The following TNRC6B variants were observed in gnomAD, a reference collection of about 807,000 sequenced individuals.
The protein encoded by TNRC6B is trinucleotide repeat-containing gene 6B protein.
TNRC6B carries 52 observed loss-of-function variants against 203.6 expected under a neutral mutation model. That is an observed-to-expected ratio of 0.26 (90% CI 0.20 to 0.32). The LOEUF (loss-of-function observed/expected upper bound fraction) is 0.32, where lower values mean the gene tolerates loss of function less well. Ranked by LOEUF, TNRC6B falls within the 10% of genes least tolerant of loss-of-function variation. The pLI, the probability that TNRC6B is intolerant of heterozygous loss-of-function variation, is 1.00. For missense variants in TNRC6B, 1,923 were observed against 2,286.2 expected (o/e 0.84, Z 3.24); for synonymous variants, 838 against 845.7 (o/e 0.99, Z 0.16).
intron 12 of TNRC6B, among the ~76,000 whole-genome samples, chr22:40,286,971 G>A (rs899752265): frequency 3.9e-5 from 6 of 152,126 alleles, no homozygotes; most frequent in African/African-American, 1.4e-4. Flanking sequence ...CCAACCAGCA[G>A]GTTGTAAAGG....
Position 40,266,441 on chromosome 22 carries a change from G to T in TNRC6B, c.2211G>T (p.Gln737His). Residue 737 changes from glutamine to histidine, a missense_variant, in exon 5 of 23, where the codon CAG (glutamine) becomes CAT (histidine). Physicochemically the swap from Gln to His is conservative, Grantham distance 24. Transcript: ENST00000454349. ...SKDQGWGGGR[Q>H]PNQGWSSGKN... is the part of the protein sequence containing the mutation. Reference sequence around the variant, plus strand: ...ATCAGGGGTGGGGAGGTGGACGCCAGCCCAATCAAGGATGGTCTTCTGGAA... The same window carrying T: ...ATCAGGGGTGGGGAGGTGGACGCCATCCCAATCAAGGATGGTCTTCTGGAA... 6.2e-7 allele frequency: 1 copy of T among 1,613,952 alleles called. No homozygotes were observed. The highest frequency in any genetic ancestry group is 8.5e-7 in the Non-Finnish European group (1 of 1,179,864).
intron 21 of TNRC6B, among the ~76,000 whole-genome samples, chr22:40,319,544 G>A (rs1333265217): frequency 6.6e-6 from 1 of 150,758 alleles, no homozygotes; most frequent in African/African-American, 2.4e-5. Flanking sequence ...TCATGTCTCA[G>A]CCTCCAAGTA....
chr22:40,213,913 C>G (rs770456122), intron 1 of TNRC6B, among the ~76,000 whole-genome samples: 6 of 152,106 alleles, frequency 3.9e-5, no homozygotes, highest in Non-Finnish European at 8.8e-5. Flanking sequence ...TATGTAAGCT[C>G]TCTTCCTTAA....
intron 2 of TNRC6B, among the ~76,000 whole-genome samples, chr22:40,123,894 CTTTT>C (rs58632540): frequency 2.2e-5 from 3 of 135,892 alleles, no homozygotes; most frequent in East Asian, 2.1e-4. Flanking sequence ...AGAAAGAGAA[CTTTT>C]TTTTTTTTTT....
At chr22:40,190,161 C>T (rs1283550400) in intron 1 of TNRC6B, among the ~76,000 whole-genome samples, 1 of 152,252 alleles carries the variant, frequency 6.6e-6, no homozygotes, top group Non-Finnish European at 1.5e-5. Context: ...GACTACCTTC[C>T]TTCATTCTTA....
chr22:40,075,156 A>ATTTTT (rs58240994), intron 1 of TNRC6B, among the ~76,000 whole-genome samples: 129 of 35,494 alleles, frequency 3.6e-3, no homozygotes, highest in East Asian at 5.3e-3. Context: ...ATATATATAT[A>ATTTTT]TTTTTTTTTT....
In TNRC6B at chr22:40,323,203, C is replaced by A; in HGVS notation, c.5464C>A (p.Pro1822Thr). Residue 1822 changes from proline (P) to threonine (T), a missense_variant, in exon 23 of 23, where the codon CCT (proline) becomes ACT (threonine). Pro to Thr is a conservative substitution (Grantham distance 38). Around this residue, in one of 8 missense-constraint regions of TNRC6B, gnomAD observed 126 missense variants for 137.5 expected, o/e 0.92. Transcript: ENST00000454349. ...HRMGSPAPLLPGDLLGGGSDS... is the reference protein window; with the variant it reads ...HRMGSPAPLLTGDLLGGGSDS... Reference sequence around the variant, plus strand: ...GATGGGCAGCCCTGCTCCTTTACTACCTGGTGACCTTCTGGGAGGAGGGTC... The same window carrying A: ...GATGGGCAGCCCTGCTCCTTTACTAACTGGTGACCTTCTGGGAGGAGGGTC... 1 of 1,613,364 alleles carries A rather than the reference C, an allele frequency of 6.2e-7. No homozygotes were observed. Among genetic ancestry groups the A allele is most frequent in the Non-Finnish European group, 8.5e-7 (1 of 1,179,866 alleles).
intron 1 of TNRC6B, among the ~76,000 whole-genome samples, chr22:40,228,622 C>T (rs1469049016): frequency 4.0e-5 from 6 of 149,648 alleles, no homozygotes; most frequent in African/African-American, 1.2e-4. Flanking sequence ...CAGGTTCAAG[C>T]GATTCTCCTG....
chr22:40,202,260 G>GTTTTTGTTTTTTTTTT (rs761983025), intron 1 of TNRC6B, among the ~76,000 whole-genome samples: 2 of 129,778 alleles, frequency 1.5e-5, no homozygotes, highest in African/African-American at 2.8e-5. Flanking sequence ...TTGTTTTTTT[G>GTTTTTGTTTTTTTTTT]TTTTTTTTTT....
chr22:40,133,259 C>T (rs1252661650), intron 3 of TNRC6B, among the ~76,000 whole-genome samples: 1 of 151,902 alleles, frequency 6.6e-6, no homozygotes, highest in African/African-American at 2.4e-5. Flanking sequence ...CTGACACATG[C>T]TGAACTAAGC....
At chr22:40,110,501 T>C (rs2073292569) in intron 1 of TNRC6B, among the ~76,000 whole-genome samples, 1 of 152,240 alleles carries the variant, frequency 6.6e-6, no homozygotes, top group Non-Finnish European at 1.5e-5. Context: ...TGCAGTTGTT[T>C]TAGGCTTTTA....
intron 1 of TNRC6B, among the ~76,000 whole-genome samples, chr22:40,193,864 AAAAAG>A (rs1490952286): frequency 6.7e-6 from 1 of 149,966 alleles, no homozygotes; most frequent in Non-Finnish European, 1.5e-5. Flanking sequence ...CCTCCAAAAA[AAAAAG>A]AAAGACTGCA....
intron 12 of TNRC6B, among the ~76,000 whole-genome samples, chr22:40,293,228 C>G (rs1251793473): frequency 7.6e-6 from 1 of 131,128 alleles, no homozygotes; most frequent in African/African-American, 2.6e-5. Context: ...CAGAGTCTCC[C>G]TCTGTTGCCC....
chr22:40,317,583 TAAAA>T (rs375486025), intron 21 of TNRC6B, among the ~76,000 whole-genome samples: 3 of 151,606 alleles, frequency 2.0e-5, no homozygotes, highest in Non-Finnish European at 2.9e-5. Flanking sequence ...TCTGAAAAAA[TAAAA>T]AAAAGCTACA....
intron 5 of TNRC6B, among the ~76,000 whole-genome samples, chr22:40,268,229 G>GC (rs2070508118): frequency 6.6e-6 from 1 of 152,066 alleles, no homozygotes; most frequent in African/African-American, 2.4e-5. Context: ...GGGATTACAG[G>GC]CACCCACTGC....
chr22:40,263,191 C>T (rs1429917120), intron 4 of TNRC6B, among the ~76,000 whole-genome samples: 1 of 152,164 alleles, frequency 6.6e-6, no homozygotes, highest in Non-Finnish European at 1.5e-5. Flanking sequence ...AGCTTGAATA[C>T]CATTAGGCAT....
chr22:40,165,519 C>G (rs757325311), intron 4 of TNRC6B, among the ~76,000 whole-genome samples: 1 of 152,112 alleles, frequency 6.6e-6, no homozygotes, highest in Non-Finnish European at 1.5e-5. Context: ...TTCCAACAGA[C>G]CTGATTTTAT....
At chr22:40,228,273 C>T (rs1264607216) in intron 1 of TNRC6B, among the ~76,000 whole-genome samples, 1 of 151,568 alleles carries the variant, frequency 6.6e-6, no homozygotes, top group African/African-American at 2.4e-5. Flanking sequence ...ACTAAAAATA[C>T]TAAAAAATTA....
At chr22:40,302,574 A>G (rs1420782875) in intron 15 of TNRC6B, among the ~76,000 whole-genome samples, 1 of 151,054 alleles carries the variant, frequency 6.6e-6, no homozygotes, top group Non-Finnish European at 1.5e-5. Context: ...CGGAGGTTGC[A>G]GTGAGCTGAG....
Sources: allele counts gnomAD v4.1 joint callset (sites outside exome capture counted in the v4.1 genomes callset), GRCh38; gene constraint gnomAD v4.1.1; regional missense constraint gnomAD v4.1.1; transcripts MANE v1.5; gene names NCBI Gene and HGNC (gene_info 2026-07-23, HGNC 2026-07-21).